CIT: variants seen among roughly 807,000 people sequenced by gnomAD.
CIT encodes the protein citron rho-interacting serine/threonine kinase, also known as citron Rho-interacting kinase.
In CIT, 79 loss-of-function variants were observed where a neutral mutation model predicts 272.7. The ratio of observed to expected loss-of-function variants is 0.29; its 90% CI spans 0.24 to 0.35. The LOEUF (loss-of-function observed/expected upper bound fraction) is 0.35. Ranked by LOEUF, CIT falls within the 10% of genes least tolerant of loss-of-function variation. CIT has a pLI of 1.00. For missense variants in CIT, 1,909 were observed against 2,618.3 expected, an observed-to-expected ratio of 0.73 and a Z score of 5.91; for synonymous variants, 948 against 995.6, an observed-to-expected ratio of 0.95 and a Z score of 0.90.
At chr12:119,854,634 T>C (rs950266492) in intron 4 of CIT, among the ~76,000 whole-genome samples, 3 of 150,498 alleles carry the variant, frequency 2.0e-5, no homozygotes, top group African/African-American at 7.4e-5. Context: ...CTCAAAAAAA[T>C]AAAAATAAAA....
intron 10 of CIT, among the ~76,000 whole-genome samples, chr12:119,798,016 T>C (rs1047712259): frequency 6.6e-6 from 1 of 152,210 alleles, no homozygotes; most frequent in Non-Finnish European, 1.5e-5. Context: ...GTTTCCTCTC[T>C]TTGCCAAGCT....
At chr12:119,873,143 T>C (rs1476050654) in intron 2 of CIT, among the ~76,000 whole-genome samples, 1 of 152,044 alleles carries the variant, frequency 6.6e-6, no homozygotes, top group East Asian at 1.9e-4. Context: ...TCCTTACCTC[T>C]GTCATGAGGC....
intron 9 of CIT, among the ~76,000 whole-genome samples, chr12:119,811,005 G>A (rs1966843400): frequency 6.6e-6 from 1 of 152,164 alleles, no homozygotes. Flanking sequence ...GGTCAGGCAT[G>A]ACTTGCCCAC....
rs149401967 is a variant in CIT, at chr12:119,756,243, C to T, written c.2706+1128G>A. ...TGGGGTCTAAGTTGTCTATTTTGAA[C>T]AAAGAATTGGACAAAACGCACAAAG... On this transcript the variant is annotated intron_variant, in intron 22 of 47. Transcript: ENST00000392521. Among the ~76,000 whole-genome samples, 77 of 152,234 alleles carry T rather than the reference C, an allele frequency of 5.1e-4. No homozygotes were observed. In the East Asian group the frequency reaches 0.01, roughly 20 times the overall value.
At chr12:119,868,446 C>T (rs191172271) in intron 3 of CIT, among the ~76,000 whole-genome samples, 232 of 152,276 alleles carry the variant, frequency 1.5e-3, no homozygotes, top group African/African-American at 5.0e-3. Context: ...AGTATAAGGA[C>T]AGGGCCACGG....
At chr12:119,743,394 C>G (rs1959156219) in intron 23 of CIT, among the ~76,000 whole-genome samples, 1 of 152,102 alleles carries the variant, frequency 6.6e-6, no homozygotes, top group Non-Finnish European at 1.5e-5. Flanking sequence ...TTTGCAAAGA[C>G]CCTGAGGCAG....
Position 119,804,258 on chromosome 12 carries a change from C to A in CIT, c.1112-869G>T, listed in dbSNP as rs1248353232. On this transcript the variant is annotated intron_variant, in intron 9 of 47. Coordinates refer to ENST00000392521, the MANE Select transcript of CIT (RefSeq NM_001206999.2). The surrounding 1 kb of genome is among the most constrained non-coding windows in gnomAD (Gnocchi z 5.3). Reference sequence around the variant, plus strand: ...CTCGGTCTGGGAGGTGGACACTCGTCCATCAGTCACCAGGAGGCTGCCCAT... The same window carrying A: ...CTCGGTCTGGGAGGTGGACACTCGTACATCAGTCACCAGGAGGCTGCCCAT... The A allele has an allele frequency of 6.1e-6, 6 of 985,380 alleles. No individual in the cohort carries two copies. The East Asian group carries it at 6.8e-4, about 112-fold the overall frequency. The allele number at this position is 985,380 out of a possible 1,614,324, so 61.0% of individuals were successfully genotyped here. A position where few individuals can be genotyped will look rare whatever the true frequency, so the allele number is the denominator to read the frequency against.
In CIT at chr12:119,804,182, C is replaced by G. The variant is rs903933413; in HGVS notation, c.1112-793G>C. 1.0e-5 allele frequency: 10 copies of G among 985,414 alleles called. No individual in the cohort carries two copies. Among genetic ancestry groups the G allele is most frequent in the Non-Finnish European group, 1.1e-5 (9 of 830,048 alleles). The allele number at this position is 985,414 out of a possible 1,614,324, so 61.0% of individuals were successfully genotyped here. ...TCCTACCTCCTCAGGGCTTCACTCC[C>G]GGCTGGGGGCGTGTTACATCCTCTC... On this transcript the variant is annotated intron_variant, in intron 9 of 47. Transcript: ENST00000392521. The surrounding 1 kb of genome is among the most constrained non-coding windows in gnomAD (Gnocchi z 5.3).
At chr12:119,705,293 G>A (rs377520264) in intron 40 of CIT, among the ~76,000 whole-genome samples, 23 of 152,184 alleles carry the variant, frequency 1.5e-4, no homozygotes, top group African/African-American at 4.8e-4. Context: ...ACATCAAAAC[G>A]CTCTTTTTCT....
intron 30 of CIT, chr12:119,719,107 C>T (rs527682627): frequency 2.2e-6 from 1 of 458,148 alleles, no homozygotes; most frequent in South Asian, 2.3e-5. Flanking sequence ...GAATGGCCAC[C>T]ACCTCTTCCT....
At chr12:119,807,207 CACAGAG>C (rs1430535168) in intron 9 of CIT, among the ~76,000 whole-genome samples, 1 of 152,170 alleles carries the variant, frequency 6.6e-6, no homozygotes, top group East Asian at 1.9e-4. Context: ...CAATGCAACA[CACAGAG>C]ACAAAGAGAC....
intron 19 of CIT, among the ~76,000 whole-genome samples, chr12:119,762,304 G>T (rs1290756378): frequency 6.6e-6 from 1 of 152,186 alleles, no homozygotes; most frequent in East Asian, 1.9e-4. Flanking sequence ...GGTCATGAGA[G>T]AAAGGAAGAA....
At chr12:119,726,230 T>G (rs1958094235) in intron 28 of CIT, among the ~76,000 whole-genome samples, 1 of 151,926 alleles carries the variant, frequency 6.6e-6, no homozygotes, top group African/African-American at 2.4e-5. Flanking sequence ...TTTTTAATTT[T>G]TATTTTGAGA....
chr12:119,729,557 G>C (rs1206625534), intron 27 of CIT, among the ~76,000 whole-genome samples: 2 of 151,896 alleles, frequency 1.3e-5, no homozygotes, highest in Non-Finnish European at 2.9e-5. Flanking sequence ...AATAAAAACA[G>C]GTAAAGCTGT....
intron 24 of CIT, 129 bp from the exon 25 acceptor site, chr12:119,735,486 C>T: frequency 1.2e-6 from 1 of 849,432 alleles, no homozygotes; most frequent in South Asian, 1.6e-5. Flanking sequence ...AGTTTGCCCA[C>T]CTGACCGTGA....
At chr12:119,863,550 C>G (rs540563242) in intron 3 of CIT, among the ~76,000 whole-genome samples, 1 of 151,760 alleles carries the variant, frequency 6.6e-6, no homozygotes, top group East Asian at 1.9e-4. Flanking sequence ...TGTTTTGAGA[C>G]GGAGTCTTAC....
In CIT at chr12:119,850,194, C is replaced by T; in HGVS notation, c.496G>A (p.Asp166Asn). 1 of 1,609,572 alleles carries T rather than the reference C, an allele frequency of 6.2e-7. No individual in the cohort carries two copies. Residue 166 changes from aspartate (D) to asparagine (N), a missense_variant, in exon 5 of 48, where the codon GAC becomes AAC. By Grantham distance (23) the Asp-to-Asn change is conservative. Around this residue, in one of 8 missense-constraint regions of CIT, gnomAD observed 529 missense variants for 549.6 expected, o/e 0.96. Transcript: ENST00000392521. ...WIPQLQYAFQ[D>N]KNHLYLVMEY... ...CTCACCAGATAAAGGTGATTTTTGT[C>T]CTGAAAGGCATACTGTAATTGGGGG...
chr12:119,713,519 G>A lies in CIT; in HGVS notation c.4436C>T (p.Thr1479Ile). The A allele has an allele frequency of 3.7e-6, 6 of 1,614,178 alleles. No individual in the cohort carries two copies. Among genetic ancestry groups the A allele is most frequent in the African/African-American group, 1.3e-5 (1 of 75,040 alleles). ...GTGCAAGCTGCTGCTGGGCTCCTTG[G>A]TCTGGAGACCTGGGGAGTTCATTTT... ...RDKMNSPGLQTKEPSSSLHLE... is the reference protein window; with the variant it reads ...RDKMNSPGLQIKEPSSSLHLE... The change falls in exon 34 of 48, where the codon ACC becomes ATC. Residue 1479 changes from threonine to isoleucine, a missense_variant. Thr to Ile is a moderately conservative substitution (Grantham distance 89). Transcript: ENST00000392521. This position sits in a 1 kb window ranked among gnomAD's most constrained non-coding sequence, Gnocchi z 5.2.
At chr12:119,703,521 G>T (rs1387357191) in intron 41 of CIT, among the ~76,000 whole-genome samples, 1 of 144,518 alleles carries the variant, frequency 6.9e-6, no homozygotes. Flanking sequence ...CACCTCCCAC[G>T]TTTATGCAAT....
Sources: gnomAD v4.1 joint callset for allele counts (sites outside exome capture counted in the v4.1 genomes callset) on GRCh38, gnomAD v4.1.1 for gene constraint, gnomAD v4.1.1 regional missense constraint, Gnocchi (gnomAD v3.1) non-coding constraint, MANE v1.5 for transcripts, NCBI Gene and HGNC (gene_info 2026-07-23, HGNC 2026-07-21) for gene names.